Variants in GRM8 observed in about 807,000 individuals in gnomAD.
GRM8 encodes glutamate metabotropic receptor 8.
In GRM8, 47 loss-of-function variants were observed where a neutral mutation model predicts 87.2. The ratio of observed to expected loss-of-function variants is 0.54; its 90% CI spans 0.43 to 0.69. The LOEUF is 0.69. Ranked by LOEUF, GRM8 falls within the 30% of genes least tolerant of loss-of-function variation. GRM8 has a pLI of 0.00. For missense variants in GRM8, 1,019 were observed against 1,139.2 expected (o/e 0.89, Z 1.52); for synonymous variants, 396 against 404.5 (o/e 0.98, Z 0.25).
At chr7:126,464,530 GT>G (rs1804268915) in intron 9 of GRM8, among the ~76,000 whole-genome samples, 1 of 151,570 alleles carries the variant, frequency 6.6e-6, no homozygotes, top group Non-Finnish European at 1.5e-5. Flanking sequence ...TTTTCTGATT[GT>G]TTTGTGGTCT....
At chr7:127,227,074 C>A (rs1797376009) in intron 2 of GRM8, among the ~76,000 whole-genome samples, 1 of 152,146 alleles carries the variant, frequency 6.6e-6, no homozygotes. Flanking sequence ...AAGGTAGAGT[C>A]AAATACATTA....
intron 9 of GRM8, among the ~76,000 whole-genome samples, chr7:126,517,117 T>C (rs1022800753): frequency 1.3e-5 from 2 of 152,014 alleles, no homozygotes; most frequent in African/African-American, 4.8e-5. Flanking sequence ...ATATGAAACA[T>C]TTTGTGTCTG....
intron 6 of GRM8, among the ~76,000 whole-genome samples, chr7:126,800,456 T>C (rs919960043): frequency 6.6e-6 from 1 of 152,154 alleles, no homozygotes; most frequent in Non-Finnish European, 1.5e-5. Context: ...AGTTCATCAA[T>C]AGTGATTCTT....
At chr7:126,942,330 T>G (rs1807047664) in intron 3 of GRM8, among the ~76,000 whole-genome samples, 1 of 152,210 alleles carries the variant, frequency 6.6e-6, no homozygotes, top group Non-Finnish European at 1.5e-5. Flanking sequence ...CTGCATGTCT[T>G]TTGTCCTCTC....
chr7:126,457,074 T>C (rs1803332964), intron 9 of GRM8, among the ~76,000 whole-genome samples: 1 of 151,542 alleles, frequency 6.6e-6, no homozygotes, highest in Admixed American at 6.6e-5. Context: ...TCTGTGTGTG[T>C]GCCTGTGTGT....
At chr7:126,503,434 G>C (rs1809937422) in intron 9 of GRM8, among the ~76,000 whole-genome samples, 1 of 151,840 alleles carries the variant, frequency 6.6e-6, no homozygotes, top group South Asian at 2.1e-4. Flanking sequence ...GATTAGTTTG[G>C]GATTATCAAA....
intron 8 of GRM8, among the ~76,000 whole-genome samples, chr7:126,558,954 G>GCTA (rs1793421118): frequency 6.6e-6 from 1 of 152,126 alleles, no homozygotes; most frequent in East Asian, 1.9e-4. Flanking sequence ...GCTAGGTGGA[G>GCTA]CAATAGCAGC....
At chr7:126,720,737 T>A (rs1054490975) in intron 7 of GRM8, among the ~76,000 whole-genome samples, 6 of 152,172 alleles carry the variant, frequency 3.9e-5, no homozygotes, top group Non-Finnish European at 7.3e-5. Flanking sequence ...CAACTGAATT[T>A]TATATATTAA....
chr7:127,171,010 A>T (rs1461675053), intron 2 of GRM8, among the ~76,000 whole-genome samples: 1 of 152,212 alleles, frequency 6.6e-6, no homozygotes, highest in African/African-American at 2.4e-5. Context: ...AATGAATTAA[A>T]AAAACCATTC....
chr7:127,201,039 TG>T lies in GRM8; in HGVS notation c.510+41655del, dbSNP rs562483126. Among the ~76,000 whole-genome samples, 706 of 152,256 alleles carry T rather than the reference TG, an allele frequency of 4.6e-3. 2 individuals carry two copies. Among genetic ancestry groups the T allele is most frequent in the Non-Finnish European group, 7.6e-3 (514 of 68,018 alleles). ...AGATCATAAAATCTGTCATTTTTCTTGCTTATGTTGATATTGTGCTTTATAT... is the reference window on the plus strand; with the variant it reads ...AGATCATAAAATCTGTCATTTTTCTTCTTATGTTGATATTGTGCTTTATAT... On this transcript the variant is annotated intron_variant, in intron 2 of 10. Transcript: ENST00000339582.
intron 7 of GRM8, among the ~76,000 whole-genome samples, chr7:126,682,779 G>A (rs540038213): frequency 2.9e-4 from 44 of 152,264 alleles, no homozygotes; most frequent in African/African-American, 1.0e-3. Context: ...GGCTGGGCGC[G>A]GTGGCTCACG....
At chr7:127,219,479 T>C (rs2116701376) in intron 2 of GRM8, 1 of 152,304 alleles carries the variant, frequency 6.6e-6, no homozygotes, top group South Asian at 2.1e-4. Context: ...TCTCACTCTG[T>C]CATCCAGGCT....
chr7:126,467,158 C>T (rs905773704), intron 9 of GRM8, among the ~76,000 whole-genome samples: 3 of 151,550 alleles, frequency 2.0e-5, no homozygotes, highest in African/African-American at 7.3e-5. Flanking sequence ...CCCCACCCCC[C>T]GACAGGCTTC....
intron 7 of GRM8, among the ~76,000 whole-genome samples, chr7:126,663,977 T>C (rs1563071861): frequency 2.0e-5 from 3 of 152,290 alleles, no homozygotes; most frequent in South Asian, 2.1e-4. Context: ...GAGAAATCAG[T>C]AGCATTTCTA....
chr7:127,155,575 T>G (rs538893588), intron 2 of GRM8, among the ~76,000 whole-genome samples: 2 of 152,092 alleles, frequency 1.3e-5, no homozygotes, highest in East Asian at 3.9e-4. Flanking sequence ...TGGACTGAGG[T>G]GGATATGTGG....
chr7:126,785,775 T>C (rs1820560226), intron 6 of GRM8, among the ~76,000 whole-genome samples: 1 of 152,076 alleles, frequency 6.6e-6, no homozygotes, highest in Admixed American at 6.6e-5. Flanking sequence ...CCTAGGTCAC[T>C]ACAGCCTGGG....
At chr7:127,064,850 TAA>T (rs1231859791) in intron 3 of GRM8, among the ~76,000 whole-genome samples, 1 of 152,012 alleles carries the variant, frequency 6.6e-6, no homozygotes, top group Admixed American at 6.5e-5. Context: ...TGGCTATTAA[TAA>T]AAAGTCAAAA....
intron 7 of GRM8, among the ~76,000 whole-genome samples, chr7:126,643,319 A>AATATATATATATAT (rs1198296006): frequency 2.2e-4 from 8 of 36,188 alleles, no homozygotes; most frequent in African/African-American, 1.0e-3. Flanking sequence ...AAAAAAAAAA[A>AATATATATATATAT]ATATATATAT....
At chr7:126,596,855 G>GA (rs1169204412) in intron 8 of GRM8, among the ~76,000 whole-genome samples, 1 of 151,980 alleles carries the variant, frequency 6.6e-6, no homozygotes, top group Non-Finnish European at 1.5e-5. Flanking sequence ...GTTATCATTG[G>GA]AAAAAACTAT....
Sources: allele counts gnomAD v4.1 joint callset (sites outside exome capture counted in the v4.1 genomes callset), GRCh38; gene constraint gnomAD v4.1.1; transcripts MANE v1.5; gene names NCBI Gene and HGNC (gene_info 2026-07-23, HGNC 2026-07-21).